ZNF423: variants seen among roughly 807,000 people sequenced by gnomAD.
ZNF423 encodes the protein zinc finger protein 423.
A neutral mutation model predicts 95.8 loss-of-function variants in ZNF423; 12 were observed. The ratio of observed to expected loss-of-function variants is 0.13; its 90% CI spans 0.08 to 0.20. The LOEUF (loss-of-function observed/expected upper bound fraction) is 0.20. Ranked by LOEUF, ZNF423 falls within the 10% of genes least tolerant of loss-of-function variation. ZNF423 has a pLI of 1.00. For missense variants in ZNF423, 1,316 were observed against 1,737.1 expected (o/e 0.76, Z 4.31); for synonymous variants, 749 against 711.9 (o/e 1.05, Z -0.83).
chr16:49,721,834 T>G (rs1176713245), intron 3 of ZNF423, among the ~76,000 whole-genome samples: 1 of 152,176 alleles, frequency 6.6e-6, no homozygotes, highest in Non-Finnish European at 1.5e-5. Flanking sequence ...AGACACGGTC[T>G]ATGCCTTTTT....
intron 1 of ZNF423, among the ~76,000 whole-genome samples, chr16:49,833,235 C>T (rs551787308): frequency 6.6e-6 from 1 of 152,326 alleles, no homozygotes; most frequent in Admixed American, 6.5e-5. Context: ...AACACCACTC[C>T]GCAGAGAAAA....
chr16:49,743,609 C>T (rs955738381), intron 2 of ZNF423, among the ~76,000 whole-genome samples: 19 of 152,026 alleles, frequency 1.2e-4, no homozygotes, highest in African/African-American at 4.1e-4. Flanking sequence ...GAATGAAGCC[C>T]GAAGCAGGCC....
intron 2 of ZNF423, among the ~76,000 whole-genome samples, chr16:49,762,453 C>T (rs1324835170): frequency 4.6e-5 from 7 of 152,238 alleles, no homozygotes. Context: ...CCCGAGTGAG[C>T]TTCCCAACCT....
chr16:49,807,408 C>T (rs1026396158), intron 1 of ZNF423, among the ~76,000 whole-genome samples: 1 of 151,260 alleles, frequency 6.6e-6, no homozygotes, highest in East Asian at 1.9e-4. Flanking sequence ...CCAGCCTAGG[C>T]GACAGAGCAA....
intron 3 of ZNF423, among the ~76,000 whole-genome samples, chr16:49,646,271 G>C (rs949506573): frequency 1.3e-5 from 2 of 152,204 alleles, no homozygotes; most frequent in Non-Finnish European, 2.9e-5. Flanking sequence ...GCCTAAGCAG[G>C]TGGCTTTCCA....
intron 1 of ZNF423, among the ~76,000 whole-genome samples, chr16:49,824,137 G>A (rs2034979532): frequency 6.6e-6 from 1 of 151,948 alleles, no homozygotes; most frequent in African/African-American, 2.4e-5. Flanking sequence ...TAGATTATTA[G>A]TGTCAAAACT....
intron 5 of ZNF423, among the ~76,000 whole-genome samples, chr16:49,599,760 A>G (rs531844662): frequency 1.3e-5 from 2 of 152,354 alleles, no homozygotes; most frequent in Non-Finnish European, 2.9e-5. Context: ...CACAAGGACC[A>G]CAGGATGCAT....
chr16:49,762,017 G>A lies in ZNF423; in HGVS notation c.100+27470C>T, dbSNP rs184245004. Among the ~76,000 whole-genome samples the A allele has an allele frequency of 3.7e-4, 56 of 152,132 alleles. 2 individuals carry two copies. The highest frequency in any genetic ancestry group is 1.3e-3 in the African/African-American group (53 of 41,486). Reference sequence around the variant, plus strand: ...TGTAGATAAGATGTCTCACTATGTTGCCCAGGATGGTCTCAAACTCCTGGC... The same window carrying A: ...TGTAGATAAGATGTCTCACTATGTTACCCAGGATGGTCTCAAACTCCTGGC... On this transcript the variant is annotated intron_variant, in intron 2 of 7. Coordinates refer to ENST00000563137, the MANE Select transcript of ZNF423 (RefSeq NM_001379286.1).
intron 2 of ZNF423, among the ~76,000 whole-genome samples, chr16:49,782,439 A>T (rs1168638009): frequency 1.3e-5 from 2 of 152,228 alleles, no homozygotes; most frequent in Admixed American, 1.3e-4. Context: ...GTTCCTATTA[A>T]CCAGAGCAAG....
At chr16:49,768,899 C>T (rs1432814861) in intron 2 of ZNF423, among the ~76,000 whole-genome samples, 1 of 152,138 alleles carries the variant, frequency 6.6e-6, no homozygotes, top group Non-Finnish European at 1.5e-5. Context: ...TGAGCCACAC[C>T]ATCCACACCG....
intron 2 of ZNF423, among the ~76,000 whole-genome samples, chr16:49,737,087 G>A (rs558834864): frequency 4.0e-5 from 6 of 151,836 alleles, no homozygotes; most frequent in South Asian, 2.1e-4. Flanking sequence ...GCCCCATTTC[G>A]ATGAGGACAG....
At chr16:49,549,090 AG>A (rs1969539552) in intron 5 of ZNF423, among the ~76,000 whole-genome samples, 1 of 152,222 alleles carries the variant, frequency 6.6e-6, no homozygotes, top group Non-Finnish European at 1.5e-5. Context: ...ATGGAGCTAC[AG>A]GGTTCAAAGA....
At chr16:49,687,509 T>A (rs1385676644) in intron 3 of ZNF423, among the ~76,000 whole-genome samples, 1 of 152,212 alleles carries the variant, frequency 6.6e-6, no homozygotes, top group East Asian at 1.9e-4. Context: ...ATGTAAGACC[T>A]GTAACACTCT....
intron 2 of ZNF423, among the ~76,000 whole-genome samples, chr16:49,738,441 G>C (rs1360023171): frequency 6.6e-6 from 1 of 152,150 alleles, no homozygotes; most frequent in Non-Finnish European, 1.5e-5. Flanking sequence ...CCCTACCTGA[G>C]CCTCTGATTC....
At chr16:49,838,750 C>T (rs2035149006) in intron 1 of ZNF423, among the ~76,000 whole-genome samples, 1 of 151,820 alleles carries the variant, frequency 6.6e-6, no homozygotes. Context: ...AGGCCCCACC[C>T]GGGCCGCGTG....
Position 49,551,981 on chromosome 16 carries a change from C to T in ZNF423, c.3602-26487G>A, listed in dbSNP as rs78363395. Among the ~76,000 whole-genome samples, 525 of 152,288 alleles carry T rather than the reference C, an allele frequency of 3.4e-3. 3 individuals carry two copies. The highest frequency in any genetic ancestry group is 0.012 in the African/African-American group (504 of 41,574). On this transcript the variant is annotated intron_variant, in intron 5 of 7. Coordinates refer to ENST00000563137, the MANE Select transcript of ZNF423 (RefSeq NM_001379286.1). ...ATGGGTGTGTGTGCATGCACTCATG[C>T]GCTTTGTCATTAGTTGCCAACATTT...
chr16:49,683,379 C>A (rs1039832773), intron 3 of ZNF423, among the ~76,000 whole-genome samples: 3 of 152,194 alleles, frequency 2.0e-5, no homozygotes, highest in Admixed American at 2.0e-4. Context: ...AAAATACATT[C>A]TTATACTTAA....
chr16:49,838,791 C>T (rs1207018119), intron 1 of ZNF423, among the ~76,000 whole-genome samples: 1 of 151,856 alleles, frequency 6.6e-6, no homozygotes. Flanking sequence ...CCTTCCCAGC[C>T]GGCCCCCCGC....
intron 1 of ZNF423, among the ~76,000 whole-genome samples, chr16:49,795,708 C>T (rs1486519074): frequency 1.3e-5 from 2 of 152,176 alleles, no homozygotes; most frequent in Non-Finnish European, 2.9e-5. Context: ...GAGGTAGGAA[C>T]GGGCTCAATC....
Sources: allele counts gnomAD v4.1 joint callset (sites outside exome capture counted in the v4.1 genomes callset), GRCh38; gene constraint gnomAD v4.1.1; transcripts MANE v1.5; gene names NCBI Gene and HGNC (gene_info 2026-07-23, HGNC 2026-07-21).